ROBO2: variants seen among roughly 807,000 people sequenced by gnomAD.
ROBO2 encodes roundabout homolog 2.
In ROBO2, 53 loss-of-function variants were observed where a neutral mutation model predicts 160.8. The observed-to-expected ratio is 0.33, with a 90% CI of 0.26 to 0.41. The LOEUF (loss-of-function observed/expected upper bound fraction) is 0.41, where lower values mean the gene tolerates loss of function less well. Among genes scored for constraint, ROBO2 ranks in the 10% least tolerant of loss-of-function variants. The probability of loss-of-function intolerance (pLI) is 1.00; values close to 1 mark genes in which losing one functional copy is unlikely to be tolerated. For missense variants in ROBO2, 1,577 were observed against 1,722.4 expected (o/e 0.92, Z 1.49); for synonymous variants, 664 against 611.7 (o/e 1.09, Z -1.26).
At chr3:76,806,094 T>C (rs2064682741) in intron 2 of ROBO2, among the ~76,000 whole-genome samples, 1 of 151,922 alleles carries the variant, frequency 6.6e-6, no homozygotes, top group South Asian at 2.1e-4. Flanking sequence ...TGTTTCCCTT[T>C]TGATTATGAC....
chr3:76,908,304 A>C (rs1483223260), intron 2 of ROBO2, among the ~76,000 whole-genome samples: 1 of 152,228 alleles, frequency 6.6e-6, no homozygotes, highest in African/African-American at 2.4e-5. Context: ...AGCACTAAAA[A>C]TTTAATGTGT....
At chr3:76,065,346 A>G (rs1432646494) in intron 2 of ROBO2, among the ~76,000 whole-genome samples, 1 of 152,126 alleles carries the variant, frequency 6.6e-6, no homozygotes. Flanking sequence ...ACAATTTACA[A>G]TCTCAAGGAA....
intron 2 of ROBO2, among the ~76,000 whole-genome samples, chr3:76,731,997 T>C (rs747458338): frequency 6.6e-6 from 1 of 152,178 alleles, no homozygotes; most frequent in Non-Finnish European, 1.5e-5. Context: ...CAGCCAGGCA[T>C]GATTTTTCAT....
chr3:76,103,875 T>C (rs1218958570), intron 2 of ROBO2, among the ~76,000 whole-genome samples: 1 of 152,196 alleles, frequency 6.6e-6, no homozygotes, highest in African/African-American at 2.4e-5. Context: ...GTTGACGCAG[T>C]GCTTATGCCG....
Position 76,512,094 on chromosome 3 carries a change from G to C in ROBO2, c.109+574492G>C, listed in dbSNP as rs145296906. Among the ~76,000 whole-genome samples the C allele has an allele frequency of 3.5e-3, 525 of 152,078 alleles. 6 individuals carry two copies. The highest frequency in any genetic ancestry group is 0.012 in the African/African-American group (506 of 41,488). On this transcript the variant is annotated intron_variant, in intron 2 of 26. Coordinates refer to the ROBO2 transcript ENST00000487694. The stretch of plus-strand genomic sequence containing the variant: ...TCATGTCAGTTTATAAAATCAAAGA[G>C]AGACTTCTAAAACAAACAAAAAAAC...
intron 2 of ROBO2, among the ~76,000 whole-genome samples, chr3:77,191,678 C>A (rs575254814): frequency 6.6e-6 from 1 of 152,226 alleles, no homozygotes; most frequent in Admixed American, 6.5e-5. Flanking sequence ...TAATGCTGTT[C>A]CATTTAGTGA....
intron 2 of ROBO2, among the ~76,000 whole-genome samples, chr3:76,398,861 A>G (rs1304182873): frequency 1.3e-5 from 2 of 151,774 alleles, no homozygotes; most frequent in Non-Finnish European, 2.9e-5. Flanking sequence ...TATTGCCTAG[A>G]GGTGCAACTG....
intron 1 of ROBO2, among the ~76,000 whole-genome samples, chr3:77,055,136 C>T (rs2065613135): frequency 6.6e-6 from 1 of 151,450 alleles, no homozygotes; most frequent in Admixed American, 6.6e-5. Context: ...GATTTTTATT[C>T]ACTACTTTTA....
At chr3:75,975,812 C>A (rs2065119456) in intron 2 of ROBO2, among the ~76,000 whole-genome samples, 2 of 151,562 alleles carry the variant, frequency 1.3e-5, no homozygotes, top group South Asian at 4.2e-4. Context: ...CAACAAAATC[C>A]CATCTGGCTA....
intron 2 of ROBO2, among the ~76,000 whole-genome samples, chr3:75,996,095 T>A (rs187420054): frequency 6.6e-6 from 1 of 151,972 alleles, no homozygotes; most frequent in Non-Finnish European, 1.5e-5. Flanking sequence ...TGGAATGAGG[T>A]AAGACTTCAG....
At position 76,381,137 on chromosome 3, in the gene ROBO2, G is replaced by A. The variant is rs1311250848; in HGVS notation, c.109+443535G>A. Among the ~76,000 whole-genome samples the A allele has an allele frequency of 2.0e-5, 3 of 152,038 alleles. No individual in the cohort carries two copies. The East Asian group carries it at 5.8e-4, about 30-fold the overall frequency. ...ATAGCAACTGGGTGATTGTTGGAAG[G>A]GCTTGAACCAAAAGTGCTCTCTTCG... On this transcript the variant is annotated intron_variant, in intron 2 of 26. Coordinates refer to the ROBO2 transcript ENST00000487694.
intron 2 of ROBO2, among the ~76,000 whole-genome samples, chr3:76,025,112 TTAAA>T (rs1347975432): frequency 4.0e-5 from 6 of 151,556 alleles, no homozygotes; most frequent in African/African-American, 9.7e-5. Flanking sequence ...ATACTACTTC[TTAAA>T]TAAACTCTTG....
intron 2 of ROBO2, among the ~76,000 whole-genome samples, chr3:76,348,542 A>C (rs2074675898): frequency 6.6e-6 from 1 of 152,160 alleles, no homozygotes; most frequent in Non-Finnish European, 1.5e-5. Context: ...CCTTGGCATC[A>C]GCAAAAGCAA....
chr3:76,199,869 A>C (rs547212375), intron 2 of ROBO2, among the ~76,000 whole-genome samples: 6 of 152,040 alleles, frequency 3.9e-5, no homozygotes, highest in South Asian at 2.1e-4. Context: ...TTCTACTATA[A>C]AGTTTCTTTA....
At chr3:76,399,962 C>A (rs1326446430) in intron 2 of ROBO2, among the ~76,000 whole-genome samples, 1 of 151,604 alleles carries the variant, frequency 6.6e-6, no homozygotes, top group Non-Finnish European at 1.5e-5. Context: ...GGCTTTACTC[C>A]ATAAATTCAG....
At chr3:76,335,582 C>CTT (rs796159413) in intron 2 of ROBO2, among the ~76,000 whole-genome samples, 2 of 141,468 alleles carry the variant, frequency 1.4e-5, no homozygotes, top group Admixed American at 7.1e-5. Flanking sequence ...AAAGCCATAA[C>CTT]TTTTTTTTTT....
chr3:75,987,766 T>C (rs1291321815), intron 2 of ROBO2, among the ~76,000 whole-genome samples: 1 of 152,060 alleles, frequency 6.6e-6, no homozygotes, highest in Non-Finnish European at 1.5e-5. Flanking sequence ...ATGAAAGATG[T>C]TGAATTTTAC....
chr3:76,248,753 G>A (rs1705795739), intron 2 of ROBO2, among the ~76,000 whole-genome samples: 1 of 151,628 alleles, frequency 6.6e-6, no homozygotes, highest in Admixed American at 6.6e-5. Flanking sequence ...AGTTGTCATG[G>A]CACTGATACA....
chr3:76,177,989 A>C (rs1331813813), intron 2 of ROBO2, among the ~76,000 whole-genome samples: 1 of 152,160 alleles, frequency 6.6e-6, no homozygotes, highest in East Asian at 1.9e-4. Context: ...GAGTTTTGAA[A>C]ATTCCCTGTT....
Sources: gnomAD v4.1 joint callset for allele counts (sites outside exome capture counted in the v4.1 genomes callset) on GRCh38, gnomAD v4.1.1 for gene constraint, MANE v1.5 for transcripts, NCBI Gene and HGNC (gene_info 2026-07-23, HGNC 2026-07-21) for gene names.